Variants in THSD7B observed in about 807,000 individuals in gnomAD.
THSD7B encodes thrombospondin type-1 domain-containing protein 7B.
A neutral mutation model predicts 213.6 loss-of-function variants in THSD7B; 138 were observed. The ratio of observed to expected loss-of-function variants is 0.65; its 90% CI spans 0.56 to 0.74. The LOEUF (loss-of-function observed/expected upper bound fraction) is 0.74, where lower values mean the gene tolerates loss of function less well. Ranked by LOEUF, THSD7B falls within the 30% of genes least tolerant of loss-of-function variation. THSD7B has a pLI of 0.00. For missense variants in THSD7B, 1,931 were observed against 1,991.5 expected (o/e 0.97, Z 0.58); for synonymous variants, 742 against 687.0 (o/e 1.08, Z -1.25).
intron 1 of THSD7B, among the ~76,000 whole-genome samples, chr2:136,855,617 A>G (rs1229669057): frequency 7.0e-6 from 1 of 142,650 alleles, no homozygotes; most frequent in Non-Finnish European, 1.6e-5. Context: ...TTATTTATTT[A>G]TTTATTTATT....
intron 12 of THSD7B, among the ~76,000 whole-genome samples, chr2:137,357,072 T>C (rs1333122541): frequency 6.6e-6 from 1 of 152,020 alleles, no homozygotes; most frequent in Non-Finnish European, 1.5e-5. Context: ...TCATAGGAAG[T>C]ATATTTTCTA....
At chr2:137,548,724 A>C (rs1029238266) in intron 15 of THSD7B, among the ~76,000 whole-genome samples, 2 of 152,116 alleles carry the variant, frequency 1.3e-5, no homozygotes, top group Admixed American at 1.3e-4. Context: ...CTCCCTTTCA[A>C]AGTATAGTAG....
At chr2:137,252,115 A>G (rs984812124) in intron 10 of THSD7B, among the ~76,000 whole-genome samples, 1 of 151,874 alleles carries the variant, frequency 6.6e-6, no homozygotes, top group Non-Finnish European at 1.5e-5. Context: ...AAAATATAAA[A>G]AATTAGCCAG....
intron 15 of THSD7B, among the ~76,000 whole-genome samples, chr2:137,460,753 A>G (rs12619413): frequency 7.2e-5 from 11 of 152,046 alleles, no homozygotes; most frequent in African/African-American, 2.4e-4. Context: ...CATTAGGTAC[A>G]CAACTCTATG....
At chr2:136,770,520 G>C (rs868780721) in intron 1 of THSD7B, among the ~76,000 whole-genome samples, 1 of 152,104 alleles carries the variant, frequency 6.6e-6, no homozygotes, top group Non-Finnish European at 1.5e-5. Context: ...CCCTCTGAAG[G>C]TCCCACTATC....
At chr2:137,155,810 A>G (rs911535951) in intron 5 of THSD7B, 3 of 152,194 alleles carry the variant, frequency 2.0e-5, no homozygotes, top group Admixed American at 6.5e-5. Context: ...TTATTTAAAG[A>G]TTCTTGGATC....
chr2:137,393,462 C>A (rs1686094181), intron 12 of THSD7B, among the ~76,000 whole-genome samples: 1 of 149,442 alleles, frequency 6.7e-6, no homozygotes, highest in Non-Finnish European at 1.5e-5. Flanking sequence ...TTTCCAATTT[C>A]ATCCATGTCC....
intron 27 of THSD7B, 76 bp from the exon 28 acceptor site, chr2:137,676,448 T>A: frequency 7.6e-7 from 1 of 1,315,346 alleles, no homozygotes; most frequent in African/African-American, 1.5e-5. Flanking sequence ...AATTTCTGTA[T>A]CTCAAAATTG....
chr2:137,209,163 A>C (rs13393750), intron 7 of THSD7B, among the ~76,000 whole-genome samples: 90,047 of 151,224 alleles, frequency 0.6, 27,174 homozygotes, highest in South Asian at 0.71. Context: ...GGAGTCTACT[A>C]TGTCAGATTT....
At chr2:136,917,232 G>A (rs114636128) in intron 2 of THSD7B, among the ~76,000 whole-genome samples, 2,235 of 152,152 alleles carry the variant, frequency 0.015, 72 homozygotes, top group African/African-American at 0.051. Context: ...CTTCAGTTTG[G>A]GACAGTGATA....
chr2:137,029,913 T>C (rs1347540257), intron 2 of THSD7B, among the ~76,000 whole-genome samples: 1 of 152,182 alleles, frequency 6.6e-6, no homozygotes, highest in Non-Finnish European at 1.5e-5. Context: ...TGTTGAACAA[T>C]TATAGGAGCT....
intron 12 of THSD7B, among the ~76,000 whole-genome samples, chr2:137,404,464 T>TACACACACAC (rs1316384160): frequency 2.7e-5 from 2 of 74,368 alleles, no homozygotes; most frequent in Non-Finnish European, 5.5e-5. Flanking sequence ...TATATATATA[T>TACACACACAC]ATATATATAT....
intron 7 of THSD7B, among the ~76,000 whole-genome samples, chr2:137,210,603 TTGAG>T (rs1380620841): frequency 6.6e-6 from 1 of 152,024 alleles, no homozygotes; most frequent in Non-Finnish European, 1.5e-5. Context: ...TTTATAAACT[TTGAG>T]TGGGAGAATT....
At chr2:137,362,901 A>G (rs1685301436) in intron 12 of THSD7B, among the ~76,000 whole-genome samples, 1 of 152,346 alleles carries the variant, frequency 6.6e-6, no homozygotes, top group Admixed American at 6.5e-5. Context: ...AGACATCTAC[A>G]GAACTCTCCA....
At chr2:137,293,825 C>T (rs144815095) in intron 12 of THSD7B, among the ~76,000 whole-genome samples, 20 of 152,226 alleles carry the variant, frequency 1.3e-4, no homozygotes, top group African/African-American at 4.6e-4. Context: ...TCTCCAAATC[C>T]ATGTCAATAT....
rs142723949 is a variant in THSD7B, at chr2:137,525,347, C to T, written c.3139-37874C>T. Among the ~76,000 whole-genome samples, 234 of 152,258 alleles carry T rather than the reference C, an allele frequency of 1.5e-3. 5 individuals are homozygous for T. In the Middle Eastern group the frequency reaches 0.027, roughly 18 times the overall value. The stretch of plus-strand genomic sequence containing the variant: ...CACTGCCCCAGATCATAACTGAGGT[C>T]GGAGCTGCTAGCTCCTAGGTAGCTG... On this transcript the variant is annotated intron_variant, in intron 15 of 27. Transcript: ENST00000409968.
chr2:137,227,907 T>C (rs768796047), intron 7 of THSD7B, among the ~76,000 whole-genome samples: 6 of 152,156 alleles, frequency 3.9e-5, no homozygotes, highest in Non-Finnish European at 7.4e-5. Flanking sequence ...GGTTCCCCTA[T>C]ATTGAGAGCT....
chr2:136,840,442 G>C (rs1333095691), intron 1 of THSD7B, among the ~76,000 whole-genome samples: 1 of 152,134 alleles, frequency 6.6e-6, no homozygotes, highest in African/African-American at 2.4e-5. Context: ...GGTAGTTGCA[G>C]AGCATGTCAG....
intron 17 of THSD7B, among the ~76,000 whole-genome samples, chr2:137,605,879 C>T (rs1682166675): frequency 1.3e-5 from 2 of 151,894 alleles, no homozygotes; most frequent in Non-Finnish European, 1.5e-5. Context: ...CCGTGTTAGC[C>T]AGGATGGTCT....
Sources: allele counts gnomAD v4.1 joint callset (sites outside exome capture counted in the v4.1 genomes callset), GRCh38; gene constraint gnomAD v4.1.1; transcripts MANE v1.5; gene names NCBI Gene and HGNC (gene_info 2026-07-23, HGNC 2026-07-21).